The following C13orf42 variants were observed in gnomAD, a reference collection of about 807,000 sequenced individuals.
C13orf42 encodes chromosome 13 open reading frame 42.
At chr13:51,129,341 T>C (rs985869927) in intron 1 of C13orf42, among the ~76,000 whole-genome samples, 1 of 152,152 alleles carries the variant, frequency 6.6e-6, no homozygotes, top group Non-Finnish European at 1.5e-5. Context: ...CAATACCTCA[T>C]GCTGGCAGCT....
intron 3 of C13orf42, among the ~76,000 whole-genome samples, chr13:51,084,632 T>C (rs1175105783): frequency 1.3e-5 from 2 of 152,224 alleles, no homozygotes; most frequent in African/African-American, 4.8e-5. Context: ...CAGGGTTTAG[T>C]GGCTTTTGTA....
At chr13:51,136,483 C>G (rs972961228) in intron 1 of C13orf42, among the ~76,000 whole-genome samples, 1 of 152,186 alleles carries the variant, frequency 6.6e-6, no homozygotes, top group South Asian at 2.1e-4. Context: ...AGGATTTGGA[C>G]AGCTCCCGTC....
At chr13:51,143,703 T>C (rs974484994) in intron 1 of C13orf42, among the ~76,000 whole-genome samples, 20 of 152,212 alleles carry the variant, frequency 1.3e-4, no homozygotes, top group African/African-American at 4.6e-4. Context: ...TTAAACCTTT[T>C]ATATTTGACC....
intron 1 of C13orf42, among the ~76,000 whole-genome samples, chr13:51,125,706 C>A (rs942256481): frequency 1.3e-5 from 2 of 152,186 alleles, no homozygotes; most frequent in Admixed American, 6.5e-5. Flanking sequence ...CTAGGCTTAT[C>A]CTTTTAATCA....
intron 1 of C13orf42, among the ~76,000 whole-genome samples, chr13:51,121,032 C>T (rs1953530794): frequency 6.6e-6 from 1 of 152,078 alleles, no homozygotes. Flanking sequence ...AATAAATGCC[C>T]GTCATAATAA....
intron 1 of C13orf42, among the ~76,000 whole-genome samples, chr13:51,135,525 C>T (rs185175023): frequency 5.6e-4 from 85 of 151,658 alleles, no homozygotes; most frequent in Middle Eastern, 3.4e-3. Flanking sequence ...TGGTGGCAGG[C>T]GCCTGTAGTC....
intron 1 of C13orf42, among the ~76,000 whole-genome samples, chr13:51,097,150 G>A (rs1240903505): frequency 1.3e-5 from 2 of 152,190 alleles, no homozygotes; most frequent in African/African-American, 4.8e-5. Flanking sequence ...GACATGCATA[G>A]ATGCAAACAA....
intron 1 of C13orf42, among the ~76,000 whole-genome samples, chr13:51,098,742 A>G (rs1953259262): frequency 6.6e-6 from 1 of 152,226 alleles, no homozygotes; most frequent in Non-Finnish European, 1.5e-5. Flanking sequence ...AGTGTGGTTC[A>G]AACAATGACA....
At chr13:51,101,901 T>TG (rs966488580) in intron 1 of C13orf42, among the ~76,000 whole-genome samples, 1 of 152,006 alleles carries the variant, frequency 6.6e-6, no homozygotes, top group Admixed American at 6.5e-5. Context: ...CAAGGTGGTG[T>TG]GGGGGAGAGA....
intron 1 of C13orf42, among the ~76,000 whole-genome samples, chr13:51,090,526 G>A (rs530190537): frequency 4.0e-4 from 61 of 152,246 alleles, no homozygotes; most frequent in Middle Eastern, 3.4e-3. Flanking sequence ...CCACATGGAG[G>A]GCACATCTCC....
At chr13:51,128,579 G>A (rs931453289) in intron 1 of C13orf42, among the ~76,000 whole-genome samples, 1 of 152,178 alleles carries the variant, frequency 6.6e-6, no homozygotes, top group African/African-American at 2.4e-5. Flanking sequence ...CTGAACTTGG[G>A]TTTGAGACTC....
Position 51,083,870 on chromosome 13 carries a change from C to G in C13orf42, c.*281G>C. The stretch of plus-strand genomic sequence containing the variant: ...GGGGAGTGAGCCCAGACACTCCACT[C>G]AAGACCTTCCATTCCTTCAGCTCTT... On this transcript the variant is annotated 3_prime_UTR_variant, in exon 4 of 4. Coordinates refer to ENST00000563710, the MANE Select transcript of C13orf42 (RefSeq NM_001351589.3). The G allele has an allele frequency of 3.8e-6, 1 of 264,926 alleles. No homozygotes were observed. The highest frequency in any genetic ancestry group is 6.8e-5 in the East Asian group (1 of 14,768). 16.4% of individuals were successfully genotyped at this position (264,926 alleles called of 1,614,324 possible). A position where few individuals can be genotyped will look rare whatever the true frequency, so the allele number is the denominator to read the frequency against.
At chr13:51,131,861 T>C (rs1953619589) in intron 1 of C13orf42, among the ~76,000 whole-genome samples, 1 of 152,226 alleles carries the variant, frequency 6.6e-6, no homozygotes, top group Non-Finnish European at 1.5e-5. Context: ...TCTCATCAGT[T>C]ATTTTTGAGT....
At chr13:51,158,627 T>C (rs192308095) in intron 1 of C13orf42, among the ~76,000 whole-genome samples, 15 of 152,312 alleles carry the variant, frequency 9.8e-5, no homozygotes, top group Non-Finnish European at 2.2e-4. Context: ...CAGCAGGGTC[T>C]GTCTCTGGCC....
intron 1 of C13orf42, among the ~76,000 whole-genome samples, chr13:51,141,249 T>C (rs371775723): frequency 1.3e-5 from 2 of 151,632 alleles, no homozygotes; most frequent in Non-Finnish European, 2.9e-5. Context: ...GTTTTTTTTT[T>C]CTCAGTTGAA....
intron 1 of C13orf42, among the ~76,000 whole-genome samples, chr13:51,104,897 G>A (rs7324850): frequency 0.12 from 18,573 of 152,062 alleles, 1,493 homozygotes; most frequent in African/African-American, 0.23. Context: ...GAAATTAACA[G>A]GAACAAGCAA....
chr13:51,102,578 A>G (rs1953305879), intron 1 of C13orf42, among the ~76,000 whole-genome samples: 1 of 152,226 alleles, frequency 6.6e-6, no homozygotes, highest in African/African-American at 2.4e-5. Context: ...GACTTTCATT[A>G]GATGAGGATC....
chr13:51,112,850 T>C (rs1953448146), upstream of C13orf42, among the ~76,000 whole-genome samples: 3 of 152,060 alleles, frequency 2.0e-5, no homozygotes, highest in South Asian at 6.2e-4. Flanking sequence ...CAATGCCCCC[T>C]CACTGCAATG....
chr13:51,101,787 C>T (rs1953295443), intron 1 of C13orf42, among the ~76,000 whole-genome samples: 2 of 152,128 alleles, frequency 1.3e-5, no homozygotes, highest in Non-Finnish European at 2.9e-5. Flanking sequence ...GGCTCAGACG[C>T]AGGGAGGAGG....
Sources: gnomAD v4.1 joint callset for allele counts (sites outside exome capture counted in the v4.1 genomes callset) on GRCh38, gnomAD v4.1.1 for gene constraint, MANE v1.5 for transcripts, NCBI Gene and HGNC (gene_info 2026-07-23, HGNC 2026-07-21) for gene names.